MGAT4C: variants seen among roughly 807,000 people sequenced by gnomAD.
The protein encoded by MGAT4C is MGAT4 family member C, also known as alpha-1,3-mannosyl-glycoprotein 4-beta-N-acetylglucosaminyltransferase C.
MGAT4C carries 19 observed loss-of-function variants against 40.1 expected under a neutral mutation model. The ratio of observed to expected loss-of-function variants is 0.47; its 90% confidence interval spans 0.33 to 0.70. MGAT4C has a LOEUF of 0.70. MGAT4C is among the 30% of genes least tolerant of loss of function. The probability of loss-of-function intolerance (pLI) is 0.02; values close to 1 mark genes in which losing one functional copy is unlikely to be tolerated. For synonymous variants in MGAT4C, 181 were observed against 187.1 expected, an observed-to-expected ratio of 0.97 and a Z score of 0.27; for missense variants, 491 against 563.2, an observed-to-expected ratio of 0.87 and a Z score of 1.30.
intron 1 of MGAT4C, among the ~76,000 whole-genome samples, chr12:86,150,158 A>G (rs948870050): frequency 1.3e-5 from 2 of 152,156 alleles, no homozygotes; most frequent in African/African-American, 4.8e-5. Flanking sequence ...AGCAGTTCAC[A>G]ATAGTGTTCT....
intron 1 of MGAT4C, among the ~76,000 whole-genome samples, chr12:86,774,335 C>CT (rs1565981608): frequency 2.8e-5 from 3 of 106,238 alleles, no homozygotes; most frequent in Non-Finnish European, 5.8e-5. Flanking sequence ...TTCTTTCTTT[C>CT]TTTCTGTCTC....
chr12:86,741,710 T>A (rs1951072670), intron 1 of MGAT4C, among the ~76,000 whole-genome samples: 1 of 151,388 alleles, frequency 6.6e-6, no homozygotes, highest in African/African-American at 2.4e-5. Context: ...ATAGTTTTGC[T>A]TGTGCACAAT....
chr12:86,220,653 A>G (rs868353957), intron 1 of MGAT4C, among the ~76,000 whole-genome samples: 20 of 152,146 alleles, frequency 1.3e-4, no homozygotes, highest in African/African-American at 4.3e-4. Context: ...GTTTTTATCT[A>G]TGTAGGATTT....
intron 2 of MGAT4C, among the ~76,000 whole-genome samples, chr12:86,496,793 T>C (rs1958244283): frequency 6.6e-6 from 1 of 152,018 alleles, no homozygotes. Flanking sequence ...AAAACGTTCA[T>C]CACTAAATGC....
At chr12:86,345,646 G>T (rs1041279664) in intron 3 of MGAT4C, among the ~76,000 whole-genome samples, 5 of 151,804 alleles carry the variant, frequency 3.3e-5, no homozygotes, top group Non-Finnish European at 7.4e-5. Flanking sequence ...TGGTGTATAT[G>T]TGCACATTGT....
At chr12:86,179,799 A>G (rs1429244288) in intron 1 of MGAT4C, among the ~76,000 whole-genome samples, 1 of 152,222 alleles carries the variant, frequency 6.6e-6, no homozygotes, top group Non-Finnish European at 1.5e-5. Flanking sequence ...TCCATTTTAA[A>G]AGGGAAACAG....
At chr12:86,356,759 C>G (rs1955322100) in intron 3 of MGAT4C, among the ~76,000 whole-genome samples, 1 of 126,860 alleles carries the variant, frequency 7.9e-6, no homozygotes, top group Non-Finnish European at 1.7e-5. Context: ...TGCAAGGTGG[C>G]AGTGAGGCTG....
intron 1 of MGAT4C, among the ~76,000 whole-genome samples, chr12:86,732,280 T>C (rs1455620007): frequency 1.3e-5 from 2 of 152,196 alleles, no homozygotes; most frequent in Non-Finnish European, 2.9e-5. Flanking sequence ...CCAATCTTTT[T>C]GGCACTAGGG....
intron 1 of MGAT4C, among the ~76,000 whole-genome samples, chr12:86,795,339 G>C (rs745450533): frequency 6.6e-6 from 1 of 151,906 alleles, no homozygotes; most frequent in Non-Finnish European, 1.5e-5. Flanking sequence ...AGTTACACTT[G>C]TGAAATTTTA....
chr12:86,611,249 A>T (rs1223715947), intron 2 of MGAT4C, among the ~76,000 whole-genome samples: 1 of 152,140 alleles, frequency 6.6e-6, no homozygotes, highest in African/African-American at 2.4e-5. Flanking sequence ...AATAATTGTT[A>T]TTCCAAAATT....
chr12:86,768,104 A>T (rs1951550750), intron 1 of MGAT4C, among the ~76,000 whole-genome samples: 1 of 152,182 alleles, frequency 6.6e-6, no homozygotes, highest in South Asian at 2.1e-4. Flanking sequence ...ACATGATTGT[A>T]TATCTAGAAA....
intron 4 of MGAT4C, among the ~76,000 whole-genome samples, chr12:86,271,783 T>A (rs184444893): frequency 6.6e-6 from 1 of 152,156 alleles, no homozygotes; most frequent in Non-Finnish European, 1.5e-5. Context: ...TAGAGAATAT[T>A]TGGTATATAT....
At chr12:86,649,612 T>C (rs1046830790) in intron 2 of MGAT4C, among the ~76,000 whole-genome samples, 1 of 151,832 alleles carries the variant, frequency 6.6e-6, no homozygotes, top group Non-Finnish European at 1.5e-5. Context: ...CAACATGTAC[T>C]TTTTATATAA....
At chr12:86,480,107 A>G (rs999704154) in intron 2 of MGAT4C, among the ~76,000 whole-genome samples, 1 of 151,828 alleles carries the variant, frequency 6.6e-6, no homozygotes, top group African/African-American at 2.4e-5. Flanking sequence ...ACACAAATTT[A>G]TTTGGAAGAC....
chr12:86,257,692 T>C (rs1049924401), upstream of MGAT4C, among the ~76,000 whole-genome samples: 1 of 152,236 alleles, frequency 6.6e-6, no homozygotes, highest in African/African-American at 2.4e-5. Context: ...AAAAAGTTGA[T>C]AATATATGAA....
chr12:86,566,531 CATATATATATATAT>C (rs71078910), intron 2 of MGAT4C, among the ~76,000 whole-genome samples: 437 of 39,852 alleles, frequency 0.011, 9 homozygotes, highest in African/African-American at 0.023. Flanking sequence ...AACTCATATA[CATATATATATATAT>C]ATATATATAT....
upstream of MGAT4C, among the ~76,000 whole-genome samples, chr12:86,260,104 C>CA (rs1952629125): frequency 6.6e-6 from 1 of 151,806 alleles, no homozygotes; most frequent in Non-Finnish European, 1.5e-5. Flanking sequence ...TAAATCTGCT[C>CA]AAAAAATGGA....
At chr12:86,569,798 C>T (rs1960287885) in intron 2 of MGAT4C, among the ~76,000 whole-genome samples, 1 of 151,996 alleles carries the variant, frequency 6.6e-6, no homozygotes, top group Non-Finnish European at 1.5e-5. Flanking sequence ...ACATGACTGG[C>T]AATCGATGAA....
At chr12:85,983,796 A>C in intron 3 of MGAT4C, 126 bp from the exon 4 acceptor site, 1 of 706,772 alleles carries the variant, frequency 1.4e-6, no homozygotes, top group Non-Finnish European at 2.1e-6. Context: ...TATAAATCTC[A>C]ACTACTGACG....
Sources: allele counts gnomAD v4.1 joint callset (sites outside exome capture counted in the v4.1 genomes callset), GRCh38; gene constraint gnomAD v4.1.1; transcripts MANE v1.5; gene names NCBI Gene and HGNC (gene_info 2026-07-23, HGNC 2026-07-21).